The following PRMT8 variants were observed in gnomAD, a reference collection of about 807,000 sequenced individuals.
PRMT8 encodes protein arginine methyltransferase 8, also known as protein arginine N-methyltransferase 8.
In PRMT8, 7 loss-of-function variants were observed where a neutral mutation model predicts 47.1. The ratio of observed to expected loss-of-function variants is 0.15; its 90% CI spans 0.08 to 0.28. The LOEUF is 0.28. Among genes scored for constraint, PRMT8 ranks in the 10% least tolerant of loss-of-function variants. The pLI, the probability that PRMT8 is intolerant of heterozygous loss-of-function variation, is 1.00. For missense variants in PRMT8, 237 were observed against 505.4 expected (o/e 0.47, Z 5.09); for synonymous variants, 188 against 186.5 (o/e 1.01, Z -0.07).
chr12:3,416,267 A>AT (rs1040955301), intron 1 of PRMT8, among the ~76,000 whole-genome samples: 2 of 151,866 alleles, frequency 1.3e-5, no homozygotes, highest in African/African-American at 4.8e-5. Flanking sequence ...CTATCAAGAG[A>AT]TTTTTTTCCA....
chr12:3,524,162 C>A (rs954292249), intron 1 of PRMT8, among the ~76,000 whole-genome samples: 6 of 152,106 alleles, frequency 3.9e-5, no homozygotes, highest in Non-Finnish European at 8.8e-5. Flanking sequence ...TTAATAAGTT[C>A]TTTTAATTCC....
At position 3,534,123 on chromosome 12, in the gene PRMT8, T is replaced by A. The variant is rs138965964; in HGVS notation, c.76-6483T>A. Among the ~76,000 whole-genome samples, 146 of 152,310 alleles carry A rather than the reference T, an allele frequency of 9.6e-4. 1 individual carries two copies. Among genetic ancestry groups the A allele is most frequent in the African/African-American group, 3.3e-3 (137 of 41,584 alleles). ...GAAGCCTCCTGCCACCCCTACTCTG[T>A]CCCCTCCCACTGCGATCCTCTTTCT... On this transcript the variant is annotated intron_variant, in intron 1 of 9. Transcript: ENST00000382622.
At position 3,453,378 on chromosome 12, in the gene PRMT8, G is replaced by T. The variant is rs2137081885; in HGVS notation, c.48+71936G>T. On this transcript the variant is annotated intron_variant, in intron 1 of 9. Coordinates refer to the PRMT8 transcript ENST00000452611. The surrounding 1 kb of genome is among the most constrained non-coding windows in gnomAD (Gnocchi z 4.9). The stretch of plus-strand genomic sequence containing the variant: ...CCAAGGGGTAGAGTTTGCACTGGTG[G>T]CTGGGTGTCGCCGTCAGCAGGTGAG... 6.6e-6 allele frequency among the ~76,000 whole-genome samples: 1 copy of T among 152,316 alleles called. No homozygotes were observed. The highest frequency in any genetic ancestry group is 1.5e-5 in the Non-Finnish European group (1 of 68,026).
intron 1 of PRMT8, among the ~76,000 whole-genome samples, chr12:3,479,532 G>A (rs904078337): frequency 2.6e-5 from 4 of 152,092 alleles, no homozygotes; most frequent in African/African-American, 9.7e-5. Flanking sequence ...GATGGAATTT[G>A]AACCAGTTTC....
chr12:3,528,537 C>A (rs1865978719), intron 1 of PRMT8, among the ~76,000 whole-genome samples: 1 of 152,056 alleles, frequency 6.6e-6, no homozygotes, highest in Admixed American at 6.5e-5. Flanking sequence ...ACTTAACATG[C>A]TCAATCTTTC....
intron 1 of PRMT8, among the ~76,000 whole-genome samples, chr12:3,537,377 T>C (rs1866137752): frequency 6.6e-6 from 1 of 152,242 alleles, no homozygotes; most frequent in African/African-American, 2.4e-5. Flanking sequence ...TGGGTGTTCA[T>C]CTATTTTTGT....
At chr12:3,491,004 G>A (rs1865385341), upstream of PRMT8, among the ~76,000 whole-genome samples, 2 of 152,238 alleles carry the variant, frequency 1.3e-5, no homozygotes, top group South Asian at 4.1e-4. Context: ...CCCCCCGCGC[G>A]GGCCTGGCCT....
intron 1 of PRMT8, among the ~76,000 whole-genome samples, chr12:3,448,191 G>A (rs910632275): frequency 6.6e-6 from 1 of 152,104 alleles, no homozygotes; most frequent in Non-Finnish European, 1.5e-5. Context: ...TTTTTGTAGA[G>A]GTGGGGTCTT....
At chr12:3,558,699 G>A (rs755324475) in intron 4 of PRMT8, among the ~76,000 whole-genome samples, 5 of 152,140 alleles carry the variant, frequency 3.3e-5, no homozygotes, top group African/African-American at 4.8e-5. Context: ...CTGGTTCCTC[G>A]TGATTGGATT....
At chr12:3,484,901 A>T (rs1865307405) in intron 1 of PRMT8, among the ~76,000 whole-genome samples, 1 of 152,084 alleles carries the variant, frequency 6.6e-6, no homozygotes, top group Admixed American at 6.5e-5. Flanking sequence ...CCTTCTGGGG[A>T]GTGGGGAGTG....
intron 1 of PRMT8, among the ~76,000 whole-genome samples, chr12:3,392,711 C>T (rs529051305): frequency 1.2e-3 from 177 of 152,196 alleles, no homozygotes; most frequent in Middle Eastern, 3.4e-3. Flanking sequence ...ATTTGTAATC[C>T]TTTGGGTATA....
intron 1 of PRMT8, among the ~76,000 whole-genome samples, chr12:3,477,444 G>C (rs993789708): frequency 3.3e-5 from 5 of 152,210 alleles, no homozygotes; most frequent in Admixed American, 1.3e-4. Context: ...GAGGTGGCTT[G>C]AGTTTTCTTT....
chr12:3,461,078 C>G (rs368097142), intron 1 of PRMT8, among the ~76,000 whole-genome samples: 1 of 152,252 alleles, frequency 6.6e-6, no homozygotes, highest in South Asian at 2.1e-4. Flanking sequence ...CATATAAACA[C>G]CCACTCAGCT....
chr12:3,462,394 G>A (rs1465838353), intron 1 of PRMT8, among the ~76,000 whole-genome samples: 1 of 152,014 alleles, frequency 6.6e-6, no homozygotes, highest in African/African-American at 2.4e-5. Flanking sequence ...CTGGTACTGG[G>A]TTGTTCGTTA....
At chr12:3,494,300 C>A (rs114183350) in intron 1 of PRMT8, among the ~76,000 whole-genome samples, 1 of 152,180 alleles carries the variant, frequency 6.6e-6, no homozygotes, top group African/African-American at 2.4e-5. Context: ...CTGTAGCCAC[C>A]TTTTCCTGCT....
intron 1 of PRMT8, among the ~76,000 whole-genome samples, chr12:3,523,900 G>C (rs564075364): frequency 1.4e-4 from 21 of 152,226 alleles, no homozygotes; most frequent in Non-Finnish European, 2.9e-4. Context: ...AGTTCAATAA[G>C]CCTATGGGAA....
chr12:3,518,114 C>T (rs1474065706), intron 1 of PRMT8, among the ~76,000 whole-genome samples: 3 of 151,768 alleles, frequency 2.0e-5, no homozygotes, highest in African/African-American at 7.3e-5. Flanking sequence ...GCTTGCCCCC[C>T]TCACCATACA....
At chr12:3,476,713 G>A (rs1172272936) in intron 1 of PRMT8, among the ~76,000 whole-genome samples, 1 of 152,224 alleles carries the variant, frequency 6.6e-6, no homozygotes, top group Non-Finnish European at 1.5e-5. Context: ...CCAGTGGAAG[G>A]ATGCCTTCCC....
At chr12:3,446,242 G>T (rs1419707510) in intron 1 of PRMT8, among the ~76,000 whole-genome samples, 2 of 152,110 alleles carry the variant, frequency 1.3e-5, no homozygotes, top group East Asian at 1.9e-4. Context: ...GAATTATTTT[G>T]CTTGGAAGGA....
Sources: allele counts gnomAD v4.1 joint callset (sites outside exome capture counted in the v4.1 genomes callset), GRCh38; gene constraint gnomAD v4.1.1; non-coding constraint Gnocchi (gnomAD v3.1); transcripts MANE v1.5; gene names NCBI Gene and HGNC (gene_info 2026-07-23, HGNC 2026-07-21).